The following SOX6 variants were observed in gnomAD, a reference collection of about 807,000 sequenced individuals.
The protein encoded by SOX6 is SRY-box transcription factor 6.
SOX6 carries 11 observed loss-of-function variants against 97.8 expected under a neutral mutation model. The observed-to-expected ratio is 0.11, with a 90% CI of 0.07 to 0.19. The LOEUF (loss-of-function observed/expected upper bound fraction) is 0.19. SOX6 is among the 10% of genes least tolerant of loss of function. The probability of loss-of-function intolerance (pLI) is 1.00; values close to 1 mark genes in which losing one functional copy is unlikely to be tolerated. For missense variants in SOX6, 810 were observed against 1,039.5 expected, an observed-to-expected ratio of 0.78 and a Z score of 3.04; for synonymous variants, 360 against 371.4, an observed-to-expected ratio of 0.97 and a Z score of 0.35.
intron 6 of SOX6, among the ~76,000 whole-genome samples, chr11:16,145,056 A>T (rs1850254303): frequency 6.6e-6 from 1 of 152,196 alleles, no homozygotes; most frequent in African/African-American, 2.4e-5. Context: ...AAAAAAGAGA[A>T]TTTTCGACCA....
In SOX6 at chr11:16,669,047, T is replaced by C. The variant is rs145790087; in HGVS notation, n.429+45783A>G. On this transcript the variant is annotated intron_variant and non_coding_transcript_variant, in intron 3 of 5. Coordinates refer to the SOX6 transcript ENST00000524520. Reference sequence around the variant, plus strand: ...TGCACTATAGAGCAAATGGACCAAATAGATATTTACAGAATATTTCATCTA... The same window carrying C: ...TGCACTATAGAGCAAATGGACCAAACAGATATTTACAGAATATTTCATCTA... Among the ~76,000 whole-genome samples, 1,220 of 152,266 alleles carry C rather than the reference T, an allele frequency of 8.0e-3. 19 individuals carry two copies. The highest frequency in any genetic ancestry group is 0.027 in the African/African-American group (1,108 of 41,546).
At chr11:16,178,665 A>T (rs1851262055) in intron 6 of SOX6, among the ~76,000 whole-genome samples, 1 of 151,988 alleles carries the variant, frequency 6.6e-6, no homozygotes, top group Non-Finnish European at 1.5e-5. Context: ...AGAAGTATCA[A>T]ATTACTTTCA....
chr11:16,153,626 T>C (rs1564986533), intron 6 of SOX6, among the ~76,000 whole-genome samples: 3 of 152,040 alleles, frequency 2.0e-5, no homozygotes, highest in Admixed American at 1.3e-4. Flanking sequence ...ACTCAACCTA[T>C]CTCTTTGTGT....
chr11:16,555,796 C>A lies in SOX6; in HGVS notation n.609+56285G>T, dbSNP rs187992488. Among the ~76,000 whole-genome samples, 591 of 151,658 alleles carry A rather than the reference C, an allele frequency of 3.9e-3. 3 individuals carry two copies. Among genetic ancestry groups the A allele is most frequent in the African/African-American group, 0.014 (572 of 41,462 alleles). On this transcript the variant is annotated intron_variant and non_coding_transcript_variant, in intron 4 of 5. Transcript: ENST00000524520. ...GCAGAAGTGCCTTCCACCATATGTG[C>A]CCTTGACTAGTTACATAAATATGAA...
At chr11:16,550,509 A>C (rs1316976801) in intron 4 of SOX6, among the ~76,000 whole-genome samples, 1 of 152,040 alleles carries the variant, frequency 6.6e-6, no homozygotes, top group Non-Finnish European at 1.5e-5. Flanking sequence ...TCTATATCTT[A>C]AGTGTGGTGG....
At chr11:16,334,876 T>C (rs149452529) in intron 2 of SOX6, among the ~76,000 whole-genome samples, 1 of 152,294 alleles carries the variant, frequency 6.6e-6, no homozygotes, top group African/African-American at 2.4e-5. Context: ...CACTTCCAAG[T>C]ATCATACCAG....
intron 4 of SOX6, among the ~76,000 whole-genome samples, chr11:16,486,199 A>T (rs1860431461): frequency 6.6e-6 from 1 of 152,092 alleles, no homozygotes; most frequent in East Asian, 1.9e-4. Flanking sequence ...TCTTCACTAC[A>T]GAAAAATTCC....
At chr11:16,425,621 C>G (rs746895707) in intron 1 of SOX6, among the ~76,000 whole-genome samples, 1 of 152,158 alleles carries the variant, frequency 6.6e-6, no homozygotes, top group Non-Finnish European at 1.5e-5. Flanking sequence ...TCAGCAAAGT[C>G]TTAGGATACA....
At chr11:16,540,226 A>G (rs185244834) in intron 4 of SOX6, among the ~76,000 whole-genome samples, 123 of 152,196 alleles carry the variant, frequency 8.1e-4, no homozygotes, top group Non-Finnish European at 1.3e-3. Flanking sequence ...AAACCACATG[A>G]TTATCTCAAT....
intron 3 of SOX6, among the ~76,000 whole-genome samples, chr11:16,247,338 G>A (rs1483410307): frequency 4.6e-5 from 7 of 152,070 alleles, no homozygotes; most frequent in Non-Finnish European, 8.8e-5. Context: ...GGTTGACTCC[G>A]TATTTGGCTA....
At chr11:16,526,974 A>C (rs1861176405) in intron 4 of SOX6, among the ~76,000 whole-genome samples, 1 of 152,170 alleles carries the variant, frequency 6.6e-6, no homozygotes, top group Admixed American at 6.5e-5. Context: ...CAGATTATAT[A>C]ATAGATAGAA....
intron 1 of SOX6, among the ~76,000 whole-genome samples, chr11:16,355,104 T>C (rs1857039910): frequency 6.6e-6 from 1 of 152,016 alleles, no homozygotes; most frequent in African/African-American, 2.4e-5. Flanking sequence ...AAATAGGTAT[T>C]ATTAACTGTA....
At chr11:16,477,855 C>G (rs1413328242), upstream of SOX6, among the ~76,000 whole-genome samples, 2 of 152,198 alleles carry the variant, frequency 1.3e-5, no homozygotes, top group Admixed American at 6.5e-5. Context: ...CAGTTTCCAG[C>G]AACTCTAACG....
chr11:16,672,274 A>G (rs535964070), intron 3 of SOX6, among the ~76,000 whole-genome samples: 3 of 152,358 alleles, frequency 2.0e-5, no homozygotes, highest in South Asian at 2.1e-4. Context: ...CAACACAATG[A>G]CAGGATCAAA....
intron 9 of SOX6, among the ~76,000 whole-genome samples, chr11:16,071,989 G>A (rs894604870): frequency 2.0e-5 from 3 of 151,516 alleles, no homozygotes; most frequent in Non-Finnish European, 4.4e-5. Flanking sequence ...AGATGAGAAA[G>A]AACCAGCGCA....
chr11:16,368,712 C>CA (rs769905349), intron 1 of SOX6, among the ~76,000 whole-genome samples: 86 of 151,204 alleles, frequency 5.7e-4, no homozygotes, highest in Middle Eastern at 3.4e-3. Flanking sequence ...ACACAAGCAA[C>CA]AAAAAAAATC....
chr11:16,221,330 T>G (rs2134157509), intron 4 of SOX6, among the ~76,000 whole-genome samples: 1 of 152,228 alleles, frequency 6.6e-6, no homozygotes, highest in African/African-American at 2.4e-5. Flanking sequence ...AAAAAACTAA[T>G]GTCACTTAAG....
chr11:16,373,821 GAGGAAGGAAGGAAGGAAGGAAGGAAGGA>G (rs149710263), intron 1 of SOX6, among the ~76,000 whole-genome samples: 2,199 of 105,440 alleles, frequency 0.021, 63 homozygotes, highest in South Asian at 0.063. Flanking sequence ...GGGAGGGAGA[GAGGAAGGAAGGAAGGAAGGAAGGAAGGA>G]AGGAAGGAAG....
intron 4 of SOX6, among the ~76,000 whole-genome samples, chr11:16,491,882 C>T (rs183153433): frequency 5.9e-5 from 9 of 152,194 alleles, no homozygotes; most frequent in African/African-American, 2.2e-4. Flanking sequence ...AAAACAATGA[C>T]TAGAGATTCC....
Sources: gnomAD v4.1 joint callset for allele counts (sites outside exome capture counted in the v4.1 genomes callset) on GRCh38, gnomAD v4.1.1 for gene constraint, MANE v1.5 for transcripts, NCBI Gene and HGNC (gene_info 2026-07-23, HGNC 2026-07-21) for gene names.